Variants in TMEM132C observed in about 807,000 individuals in gnomAD.
TMEM132C encodes protein phosphatase 1, regulatory subunit 152.
TMEM132C carries 29 observed loss-of-function variants against 61.4 expected under a neutral mutation model. The ratio of observed to expected loss-of-function variants is 0.47; its 90% confidence interval spans 0.35 to 0.64. TMEM132C has a LOEUF of 0.64. Ranked by LOEUF, TMEM132C falls within the 30% of genes least tolerant of loss-of-function variation. The pLI is 0.00. For missense variants in TMEM132C, 1,408 were observed against 1,476.9 expected, an observed-to-expected ratio of 0.95 and a Z score of 0.76; for synonymous variants, 656 against 633.1, an observed-to-expected ratio of 1.04 and a Z score of -0.54.
chr12:128,327,252 A>G (rs1872550666), intron 1 of TMEM132C, among the ~76,000 whole-genome samples: 2 of 150,250 alleles, frequency 1.3e-5, no homozygotes, highest in Admixed American at 1.3e-4. Context: ...GAGACCCTGT[A>G]AAATATTTGA....
chr12:128,439,987 A>G (rs1401349134), intron 2 of TMEM132C, among the ~76,000 whole-genome samples: 1 of 152,198 alleles, frequency 6.6e-6, no homozygotes, highest in Admixed American at 6.5e-5. Flanking sequence ...GGTATGTTGC[A>G]CCATCTATTG....
intron 2 of TMEM132C, among the ~76,000 whole-genome samples, chr12:128,529,634 A>C (rs1873214467): frequency 6.6e-6 from 1 of 152,098 alleles, no homozygotes; most frequent in South Asian, 2.1e-4. Flanking sequence ...AAATACAAAA[A>C]AATTAGCCGG....
intron 2 of TMEM132C, among the ~76,000 whole-genome samples, chr12:128,493,853 C>A (rs1228742637): frequency 1.3e-5 from 2 of 152,118 alleles, no homozygotes; most frequent in Non-Finnish European, 2.9e-5. Context: ...CTTTCTCCTG[C>A]CTGATTGCCC....
chr12:128,403,744 T>A (rs1023938790), intron 1 of TMEM132C, among the ~76,000 whole-genome samples: 1 of 152,314 alleles, frequency 6.6e-6, no homozygotes, highest in Non-Finnish European at 1.5e-5. Flanking sequence ...TCTAGGAAGT[T>A]GTGGGACAAG....
Position 128,615,451 on chromosome 12 carries a change from G to T in TMEM132C, c.1122-701G>T, listed in dbSNP as rs1006552920. ...GTAATGTAGAATCAGTGGGAGCCCT[G>T]AGTTTGTTTTCCTGCAACTAGACTG... On this transcript the variant is annotated intron_variant, in intron 3 of 8. Coordinates refer to ENST00000435159, the MANE Select transcript of TMEM132C (RefSeq NM_001136103.3). 3.1e-4 allele frequency among the ~76,000 whole-genome samples: 47 copies of T among 152,140 alleles called. 2 individuals are homozygous for T.
intron 2 of TMEM132C, among the ~76,000 whole-genome samples, chr12:128,485,858 G>A (rs1339162349): frequency 3.3e-5 from 5 of 152,144 alleles, no homozygotes; most frequent in African/African-American, 7.2e-5. Context: ...GGACAGCAAA[G>A]CACCTTTCCC....
chr12:128,656,436 C>G (rs1954326062), intron 4 of TMEM132C, among the ~76,000 whole-genome samples: 1 of 152,158 alleles, frequency 6.6e-6, no homozygotes, highest in Non-Finnish European at 1.5e-5. Flanking sequence ...TTCCCAGTAG[C>G]AGGAAGGGAA....
intron 4 of TMEM132C, among the ~76,000 whole-genome samples, chr12:128,620,340 AACAG>A (rs376901499): frequency 1.3e-5 from 2 of 152,170 alleles, no homozygotes; most frequent in African/African-American, 2.4e-5. Flanking sequence ...GACAGCAGTC[AACAG>A]ACAAAGTTTG....
chr12:128,598,935 C>T (rs1876069236), intron 3 of TMEM132C, among the ~76,000 whole-genome samples: 1 of 152,146 alleles, frequency 6.6e-6, no homozygotes, highest in African/African-American at 2.4e-5. Context: ...GCCCTTCCTT[C>T]GTTGAGTGAT....
intron 4 of TMEM132C, among the ~76,000 whole-genome samples, chr12:128,644,215 G>A (rs533317483): frequency 1.3e-5 from 2 of 152,306 alleles, no homozygotes; most frequent in East Asian, 1.9e-4. Flanking sequence ...TAGGTGAAAT[G>A]TATGCTTGTC....
rs543916940 is a variant in TMEM132C at position 128,492,309 on chromosome 12, A to G, written c.975-51648A>G. 1.9e-4 allele frequency among the ~76,000 whole-genome samples: 29 copies of G among 152,324 alleles called. 1 individual carries two copies. In the South Asian group the frequency reaches 4.4e-3, roughly 23 times the overall value. ...TATTGTGAATAGTGCCACAATAAACATACATGTGCATGTGCCTTTATAGCA... is the reference window on the plus strand; with the variant it reads ...TATTGTGAATAGTGCCACAATAAACGTACATGTGCATGTGCCTTTATAGCA... On this transcript the variant is annotated intron_variant, in intron 2 of 8. Coordinates refer to ENST00000435159, the MANE Select transcript of TMEM132C (RefSeq NM_001136103.3).
chr12:128,387,880 G>A (rs1019724479), intron 1 of TMEM132C, among the ~76,000 whole-genome samples: 15 of 152,208 alleles, frequency 9.9e-5, no homozygotes, highest in African/African-American at 3.6e-4. Context: ...CCAGCTGCCC[G>A]TGCAGGCGGG....
In TMEM132C at chr12:128,403,902, A is replaced by G. The variant is rs540368485; in HGVS notation, c.86-10830A>G. Reference sequence around the variant, plus strand: ...TCTGACAAACTACCTCAGGCTTTCTATGTGGATCAAGTTAGATCAGGGTTT... The same window carrying G: ...TCTGACAAACTACCTCAGGCTTTCTGTGTGGATCAAGTTAGATCAGGGTTT... On this transcript the variant is annotated intron_variant, in intron 1 of 8. Transcript: ENST00000435159. 1.1e-3 allele frequency among the ~76,000 whole-genome samples: 160 copies of G among 152,304 alleles called. 1 individual carries two copies. The highest frequency in any genetic ancestry group is 3.5e-3 in the African/African-American group (145 of 41,568).
rs1954835052 is a variant in TMEM132C, at chr12:128,705,823, A to G, written c.2855A>G (p.Tyr952Cys). The G allele has an allele frequency of 6.4e-7, 1 of 1,551,566 alleles. No individual in the cohort carries two copies. Among genetic ancestry groups the G allele is most frequent in the Admixed American group, 2.0e-5 (1 of 50,986 alleles). The part of the protein sequence containing the change: ...LINCATFALK[Y>C]RHKQVPLEGQ... ...AACTGCGCCACCTTTGCCCTGAAGT[A>G]CAGGCACAAGCAAGTGCCCCTGGAA... The change falls in exon 9 of 9, where the codon TAC becomes TGC. Residue 952 changes from tyrosine (Y) to cysteine (C), a missense_variant. Physicochemically the swap from Tyr to Cys is radical, Grantham distance 194 (BLOSUM62 -2). Coordinates refer to ENST00000435159, the MANE Select transcript of TMEM132C (RefSeq NM_001136103.3).
intron 5 of TMEM132C, 51 bp downstream of exon 5, chr12:128,669,611 AC>A (rs1954511511): frequency 6.5e-7 from 1 of 1,540,056 alleles, no homozygotes; most frequent in African/African-American, 1.4e-5. Flanking sequence ...CTTCACTTGG[AC>A]ATCCCGTTTG....
At chr12:128,573,424 G>A (rs1453943945) in intron 3 of TMEM132C, among the ~76,000 whole-genome samples, 1 of 152,000 alleles carries the variant, frequency 6.6e-6, no homozygotes, top group Non-Finnish European at 1.5e-5. Context: ...GACATAGGAC[G>A]GGGAACATCA....
intron 1 of TMEM132C, among the ~76,000 whole-genome samples, chr12:128,375,762 G>T (rs914026971): frequency 1.3e-5 from 2 of 152,208 alleles, no homozygotes; most frequent in Admixed American, 1.3e-4. Flanking sequence ...CCCAAGGGAA[G>T]TGTGGGAATG....
chr12:128,701,463 A>T (rs1178317272), intron 8 of TMEM132C, among the ~76,000 whole-genome samples: 1 of 152,212 alleles, frequency 6.6e-6, no homozygotes, highest in African/African-American at 2.4e-5. Flanking sequence ...GTTCATGTCC[A>T]AGCATTTGGA....
In TMEM132C at chr12:128,705,815, C is replaced by T; in HGVS notation, c.2847C>T (p.Ala949=). 1 of 1,551,660 alleles carries T rather than the reference C, an allele frequency of 6.4e-7. No individual in the cohort carries two copies. The highest frequency in any genetic ancestry group is 8.7e-7 in the Non-Finnish European group (1 of 1,147,050). ...LVFLINCATF[A]LKYRHKQVPL... Reference sequence around the variant, plus strand: ...TCCTGATCAACTGCGCCACCTTTGCCCTGAAGTACAGGCACAAGCAAGTGC... The same window carrying T: ...TCCTGATCAACTGCGCCACCTTTGCTCTGAAGTACAGGCACAAGCAAGTGC... The change falls in exon 9 of 9, where the codon GCC becomes GCT. Residue 949 remains alanine, a synonymous_variant. Coordinates refer to ENST00000435159, the MANE Select transcript of TMEM132C (RefSeq NM_001136103.3).
Sources: gnomAD v4.1 joint callset for allele counts (sites outside exome capture counted in the v4.1 genomes callset) on GRCh38, gnomAD v4.1.1 for gene constraint, MANE v1.5 for transcripts, NCBI Gene and HGNC (gene_info 2026-07-23, HGNC 2026-07-21) for gene names.